The following ARHGAP32 variants were observed in gnomAD, a reference collection of about 807,000 sequenced individuals.
ARHGAP32 encodes rho GTPase-activating protein 32.
In ARHGAP32, 51 loss-of-function variants were observed where a neutral mutation model predicts 186.5. That is an observed-to-expected ratio of 0.27 (90% confidence interval 0.22 to 0.35). The LOEUF is 0.35. Ranked by LOEUF, ARHGAP32 falls within the 10% of genes least tolerant of loss-of-function variation. ARHGAP32 has a pLI of 1.00. For missense variants in ARHGAP32, 2,186 were observed against 2,623.5 expected (o/e 0.83, Z 3.64); for synonymous variants, 950 against 964.3 (o/e 0.99, Z 0.27).
chr11:129,163,828 C>G (rs1565451261), intron 2 of ARHGAP32, among the ~76,000 whole-genome samples: 1 of 152,136 alleles, frequency 6.6e-6, no homozygotes, highest in African/African-American at 2.4e-5. Flanking sequence ...CAATAAAGTA[C>G]AAGAAACTGC....
intron 1 of ARHGAP32, among the ~76,000 whole-genome samples, chr11:129,189,156 T>G (rs1944224494): frequency 6.6e-6 from 1 of 152,226 alleles, no homozygotes; most frequent in African/African-American, 2.4e-5. Context: ...TGTAGCCTCT[T>G]ATAAGTTATC....
intron 1 of ARHGAP32, among the ~76,000 whole-genome samples, chr11:129,220,787 A>G (rs1313483812): frequency 6.6e-6 from 1 of 152,196 alleles, no homozygotes; most frequent in African/African-American, 2.4e-5. Flanking sequence ...GTTTTTGTGT[A>G]GACTCTGTAA....
chr11:129,108,895 G>A (rs1274547384), intron 5 of ARHGAP32, among the ~76,000 whole-genome samples: 1 of 152,118 alleles, frequency 6.6e-6, no homozygotes, highest in African/African-American at 2.4e-5. Context: ...ATCACGTTAA[G>A]TATTTACCAT....
At chr11:129,000,300 C>T (rs559420147) in intron 11 of ARHGAP32, among the ~76,000 whole-genome samples, 44 of 152,222 alleles carry the variant, frequency 2.9e-4, no homozygotes, top group African/African-American at 1.0e-3. Flanking sequence ...AAGTAAATCC[C>T]TTAAAAATGA....
chr11:129,237,786 G>C (rs1944955645), intron 1 of ARHGAP32, among the ~76,000 whole-genome samples: 1 of 152,188 alleles, frequency 6.6e-6, no homozygotes, highest in Non-Finnish European at 1.5e-5. Flanking sequence ...AGGAGCTACT[G>C]AGAGCCTTTT....
Position 129,039,792 on chromosome 11 carries a change from T to C in ARHGAP32, c.1045+1136A>G, listed in dbSNP as rs142116216. 5.1e-3 allele frequency among the ~76,000 whole-genome samples: 774 copies of C among 152,278 alleles called. 4 individuals are homozygous for C. Among genetic ancestry groups the C allele is most frequent in the African/African-American group, 0.018 (736 of 41,562 alleles). ...AAAGAATGAAATCTACAGTTACGAA[T>C]GAAGATTTACCAAACAAGTACCCAC... is the stretch of plus-strand genomic sequence containing the variant. On this transcript the variant is annotated intron_variant, in intron 11 of 22. Coordinates refer to ENST00000682385, the MANE Select transcript of ARHGAP32 (RefSeq NM_001378024.1).
chr11:128,970,772 C>T lies in ARHGAP32; in HGVS notation c.4441G>A (p.Ala1481Thr). 6.2e-7 allele frequency: 1 copy of T among 1,614,194 alleles called. No individual in the cohort carries two copies. ...LPLPVPQPKH[A>T]SQKTVYSSFA... ...GAGGAGTAAACTGTTTTCTGAGAAG[C>T]ATGCTTAGGTTGTGGGACAGGAAGT... The change falls in exon 23 of 23, where the codon GCT becomes ACT. Residue 1481 changes from alanine (A) to threonine (T), a missense_variant. By Grantham distance (58) the Ala-to-Thr change is moderately conservative (BLOSUM62 0). Coordinates refer to ENST00000682385, the MANE Select transcript of ARHGAP32 (RefSeq NM_001378024.1). The surrounding 1 kb of genome is among the most constrained non-coding windows in gnomAD (Gnocchi z 5.8).
intron 15 of ARHGAP32, 57 bp downstream of exon 15, chr11:128,985,946 A>G (rs780971199): frequency 1.6e-6 from 2 of 1,288,666 alleles, no homozygotes; most frequent in African/African-American, 3.1e-5. Context: ...GGAAAAAAAA[A>G]CGTTTACAGG....
upstream of ARHGAP32, among the ~76,000 whole-genome samples, chr11:129,194,602 T>A (rs145192325): frequency 3.6e-3 from 543 of 152,150 alleles, 2 homozygotes; most frequent in African/African-American, 0.01. Context: ...TCAGTACTAG[T>A]ACCAGTAGTT....
chr11:129,191,152 C>A (rs1369086326), intron 1 of ARHGAP32, among the ~76,000 whole-genome samples: 1 of 152,094 alleles, frequency 6.6e-6, no homozygotes, highest in African/African-American at 2.4e-5. Flanking sequence ...GCATTAAACA[C>A]AAAGACAGTA....
At chr11:129,053,641 C>T (rs1461096798) in intron 10 of ARHGAP32, among the ~76,000 whole-genome samples, 5 of 152,136 alleles carry the variant, frequency 3.3e-5, no homozygotes, top group African/African-American at 7.2e-5. Flanking sequence ...GCTTTAGTTT[C>T]TTCATCTAAA....
intron 20 of ARHGAP32, 77 bp downstream of exon 20, chr11:128,976,486 T>C: frequency 8.5e-7 from 1 of 1,171,402 alleles, no homozygotes; most frequent in East Asian, 2.3e-5. Context: ...AGCACAGATA[T>C]ATAAAAATAT....
At chr11:129,216,928 T>C (rs1713158580) in intron 1 of ARHGAP32, among the ~76,000 whole-genome samples, 1 of 151,980 alleles carries the variant, frequency 6.6e-6, no homozygotes, top group Admixed American at 6.6e-5. Flanking sequence ...AATGGCCCAA[T>C]ATATAATCAG....
intron 1 of ARHGAP32, among the ~76,000 whole-genome samples, chr11:129,247,278 A>G (rs1945113474): frequency 6.6e-6 from 1 of 152,230 alleles, no homozygotes; most frequent in African/African-American, 2.4e-5. Context: ...AGTTTTGTTC[A>G]TCATTCAAAG....
At chr11:129,133,243 C>T (rs1027461935) in intron 2 of ARHGAP32, among the ~76,000 whole-genome samples, 1 of 152,038 alleles carries the variant, frequency 6.6e-6, no homozygotes, top group East Asian at 1.9e-4. Context: ...TTTTAAAAGA[C>T]TGACAAAATA....
intron 12 of ARHGAP32, among the ~76,000 whole-genome samples, chr11:128,997,515 T>C (rs1436042532): frequency 6.6e-6 from 1 of 152,194 alleles, no homozygotes; most frequent in Admixed American, 6.5e-5. Flanking sequence ...CACCTATTTC[T>C]GGTACTTAGC....
chr11:129,191,145 T>G (rs1448676821), intron 1 of ARHGAP32, among the ~76,000 whole-genome samples: 2 of 152,160 alleles, frequency 1.3e-5, no homozygotes, highest in Non-Finnish European at 2.9e-5. Context: ...TTTTTCAGCA[T>G]TAAACACAAA....
intron 1 of ARHGAP32, among the ~76,000 whole-genome samples, chr11:129,172,600 G>C (rs1943791502): frequency 1.3e-5 from 2 of 152,154 alleles, no homozygotes; most frequent in Non-Finnish European, 1.5e-5. Flanking sequence ...CAATCTCTCA[G>C]ACCACAGTGC....
rs900424423 is a variant in ARHGAP32, at chr11:128,966,945, G to C, written c.*1962C>G. On this transcript the variant is annotated 3_prime_UTR_variant, in exon 23 of 23. Transcript: ENST00000682385. ...ACCCAGGGTGTTTTTGTGCCAAAGGGAAGTATCCTATCAGGTTTCCTAGCA... is the reference window on the plus strand; with the variant it reads ...ACCCAGGGTGTTTTTGTGCCAAAGGCAAGTATCCTATCAGGTTTCCTAGCA... The C allele has an allele frequency of 6.6e-6, 1 of 152,198 alleles. No individual in the cohort carries two copies. Among genetic ancestry groups the C allele is most frequent in the Non-Finnish European group, 1.5e-5 (1 of 68,054 alleles). 9.4% of individuals were successfully genotyped at this position (152,198 alleles called of 1,614,324 possible).
Sources: gnomAD v4.1 joint callset for allele counts (sites outside exome capture counted in the v4.1 genomes callset) on GRCh38, gnomAD v4.1.1 for gene constraint, Gnocchi (gnomAD v3.1) non-coding constraint, MANE v1.5 for transcripts, NCBI Gene and HGNC (gene_info 2026-07-23, HGNC 2026-07-21) for gene names.